FGF12: variants seen among roughly 807,000 people sequenced by gnomAD.
FGF12 encodes fibroblast growth factor 12B.
Under a neutral mutation model 23.6 loss-of-function variants are expected in FGF12, and 14 were observed. The observed-to-expected ratio is 0.59, with a 90% CI of 0.39 to 0.93. The LOEUF (loss-of-function observed/expected upper bound fraction) is 0.93. Among genes scored for constraint, FGF12 ranks in the 40% least tolerant of loss-of-function variants. The pLI is 0.00. For synonymous variants in FGF12, 62 were observed against 77.3 expected (o/e 0.80, Z 1.04); for missense variants, 175 against 217.8 (o/e 0.80, Z 1.24).
chr3:192,298,560 C>T (rs540107632), intron 4 of FGF12, among the ~76,000 whole-genome samples: 31 of 152,208 alleles, frequency 2.0e-4, no homozygotes, highest in African/African-American at 6.3e-4. Flanking sequence ...CAAGACCAGC[C>T]GGGCCAAAAT....
At chr3:192,391,945 G>A (rs948709314) in intron 2 of FGF12, among the ~76,000 whole-genome samples, 2 of 152,192 alleles carry the variant, frequency 1.3e-5, no homozygotes, top group Non-Finnish European at 2.9e-5. Flanking sequence ...TATTGCATAA[G>A]CAAAGATTTA....
chr3:192,466,361 C>T (rs557880230), intron 2 of FGF12, among the ~76,000 whole-genome samples: 2 of 152,232 alleles, frequency 1.3e-5, no homozygotes, highest in Admixed American at 6.5e-5. Flanking sequence ...GCGTGGTCTT[C>T]GAGATCCTCA....
rs752420759 is a variant in FGF12, at chr3:192,407,483, A to C, written c.14-46945T>G. Among the ~76,000 whole-genome samples, 25 of 152,326 alleles carry C rather than the reference A, an allele frequency of 1.6e-4. 1 individual carries two copies. Among genetic ancestry groups the C allele is most frequent in the Admixed American group, 3.3e-4 (5 of 15,302 alleles). On this transcript the variant is annotated intron_variant, in intron 2 of 5. Transcript: ENST00000445105. ...AGAAATTGACAAGGGCGTCTGAAAG[A>C]TGCAATGCCAAGTGTTGCTGGAGGA...
intron 2 of FGF12, among the ~76,000 whole-genome samples, chr3:192,695,323 C>T (rs1283662098): frequency 6.6e-6 from 1 of 152,152 alleles, no homozygotes; most frequent in Admixed American, 6.5e-5. Context: ...CCCAAACTTA[C>T]CTTCTGTCCA....
chr3:192,467,504 G>C (rs932385298), intron 2 of FGF12, among the ~76,000 whole-genome samples: 2 of 152,150 alleles, frequency 1.3e-5, no homozygotes, highest in Non-Finnish European at 2.9e-5. Flanking sequence ...GGGACGCCTA[G>C]AGCACTGTGC....
intron 4 of FGF12, among the ~76,000 whole-genome samples, chr3:192,188,344 G>C (rs953803499): frequency 5.9e-5 from 9 of 152,122 alleles, no homozygotes; most frequent in African/African-American, 1.9e-4. Context: ...AACTACGCAC[G>C]TGTTTTTGTG....
chr3:192,590,837 A>C (rs970078388), intron 2 of FGF12, among the ~76,000 whole-genome samples: 2 of 151,880 alleles, frequency 1.3e-5, no homozygotes, highest in Non-Finnish European at 2.9e-5. Flanking sequence ...TTCTGTCCCA[A>C]TAAAACAAAC....
intron 2 of FGF12, among the ~76,000 whole-genome samples, chr3:192,483,615 T>C (rs1186250085): frequency 6.6e-6 from 1 of 152,178 alleles, no homozygotes; most frequent in Non-Finnish European, 1.5e-5. Context: ...TGTTACAAGC[T>C]ATTTGTGTAA....
intron 2 of FGF12, among the ~76,000 whole-genome samples, chr3:192,487,344 C>G (rs944427773): frequency 3.3e-5 from 5 of 152,030 alleles, no homozygotes; most frequent in African/African-American, 1.2e-4. Context: ...TTTTCTAAAC[C>G]TGATCTTAAT....
intron 2 of FGF12, among the ~76,000 whole-genome samples, chr3:192,533,381 G>A (rs1322832187): frequency 6.6e-6 from 1 of 152,116 alleles, no homozygotes; most frequent in East Asian, 1.9e-4. Context: ...TACAGTTAAT[G>A]TATAAAATAT....
In FGF12 at chr3:192,585,215, G is replaced by T. The variant is rs1238318513; in HGVS notation, c.13+141966C>A. On this transcript the variant is annotated intron_variant, in intron 2 of 5. Coordinates refer to ENST00000445105, the MANE Select transcript of FGF12 (RefSeq NM_004113.6). ...CAATACTATGGAGTGCCTGGTAAAT[G>T]CTGGACACTGTGCTTCCTGCCTGCT... Among the ~76,000 whole-genome samples the T allele has an allele frequency of 5.3e-5, 8 of 152,170 alleles. 1 individual carries two copies. The highest frequency in any genetic ancestry group is 1.2e-4 in the Non-Finnish European group (8 of 68,038).
chr3:192,328,888 T>A (rs1358576937), intron 4 of FGF12, among the ~76,000 whole-genome samples: 3 of 152,238 alleles, frequency 2.0e-5, no homozygotes, highest in Non-Finnish European at 4.4e-5. Context: ...AATCAGTATG[T>A]ATTGAACAAA....
At chr3:192,502,737 G>A (rs1183408408) in intron 2 of FGF12, among the ~76,000 whole-genome samples, 1 of 152,160 alleles carries the variant, frequency 6.6e-6, no homozygotes, top group African/African-American at 2.4e-5. Flanking sequence ...AACTAACGTT[G>A]GAATGGGAGC....
chr3:192,218,197 T>G (rs1401246624), intron 4 of FGF12, among the ~76,000 whole-genome samples: 1 of 152,174 alleles, frequency 6.6e-6, no homozygotes, highest in South Asian at 2.1e-4. Context: ...GTGAAATTTA[T>G]AAAGATAAAT....
intron 4 of FGF12, among the ~76,000 whole-genome samples, chr3:192,242,399 C>T (rs1672113071): frequency 6.6e-6 from 1 of 152,106 alleles, no homozygotes; most frequent in Non-Finnish European, 1.5e-5. Context: ...TGTTTATGAA[C>T]ATTGCCAATT....
chr3:192,214,431 G>A (rs1560195279), intron 4 of FGF12, among the ~76,000 whole-genome samples: 1 of 152,164 alleles, frequency 6.6e-6, no homozygotes, highest in Non-Finnish European at 1.5e-5. Context: ...GGGAGGTAAT[G>A]GTACTGTCAA....
Position 192,356,750 on chromosome 3 carries a change from A to T in FGF12, c.124+3678T>A, listed in dbSNP as rs1428655637. Among the ~76,000 whole-genome samples the T allele has an allele frequency of 2.0e-5, 3 of 152,224 alleles. No individual in the cohort carries two copies. The East Asian group carries it at 5.8e-4, about 29-fold the overall frequency. The stretch of plus-strand genomic sequence containing the variant: ...ACATTTCTGACAGATGCTCATAGTA[A>T]CAAGATTCTTTTTTCAAACAATCAA... On this transcript the variant is annotated intron_variant, in intron 3 of 5. Coordinates refer to ENST00000445105, the MANE Select transcript of FGF12 (RefSeq NM_004113.6).
intron 2 of FGF12, among the ~76,000 whole-genome samples, chr3:192,665,412 A>C (rs933080500): frequency 6.6e-6 from 1 of 152,206 alleles, no homozygotes; most frequent in Non-Finnish European, 1.5e-5. Context: ...CATATACCCC[A>C]TGGAATACTA....
intron 2 of FGF12, among the ~76,000 whole-genome samples, chr3:192,421,022 G>T (rs73889326): frequency 1.3e-5 from 2 of 152,122 alleles, no homozygotes; most frequent in Middle Eastern, 3.2e-3. Flanking sequence ...CACAATGAAG[G>T]GGGTGGAGAG....
Sources: gnomAD v4.1 joint callset for allele counts (sites outside exome capture counted in the v4.1 genomes callset) on GRCh38, gnomAD v4.1.1 for gene constraint, MANE v1.5 for transcripts, NCBI Gene and HGNC (gene_info 2026-07-23, HGNC 2026-07-21) for gene names.